The following IKBIP variants were observed in gnomAD, a reference collection of about 807,000 sequenced individuals.
The protein encoded by IKBIP is inhibitor of nuclear factor kappa-B kinase-interacting protein.
In IKBIP, 28 loss-of-function variants were observed where a neutral mutation model predicts 31.0. That is an observed-to-expected ratio of 0.90 (90% CI 0.67 to 1.24). IKBIP has a LOEUF of 1.24. IKBIP is among the 50% of genes most tolerant of loss of function. The pLI is 0.00. For missense variants in IKBIP, 453 were observed against 441.9 expected (o/e 1.03, Z -0.23); for synonymous variants, 164 against 160.3 (o/e 1.02, Z -0.17).
rs756840957 is a variant in IKBIP, at chr12:98,644,567, C to T, written c.135G>A (p.Thr45=). The change falls in exon 1 of 3, where the codon ACG becomes ACA. Residue 45 remains threonine (T), a synonymous_variant. Transcript: ENST00000299157. The stretch of plus-strand genomic sequence containing the variant: ...TCCCCAGCGACAGCAGGCTCAGGCA[C>T]GTTCGGGGGTCTGCCCAGCCCCCGC... ...SGGGGWADPR[T]CLSLLSLGTC... is the part of the protein sequence containing the mutation. 1.2e-6 allele frequency: 2 copies of T among 1,608,664 alleles called. No individual in the cohort carries two copies. Among genetic ancestry groups the T allele is most frequent in the South Asian group, 2.2e-5 (2 of 90,640 alleles).
chr12:98,617,249 T>A (rs2097606789), intron 2 of IKBIP, among the ~76,000 whole-genome samples: 1 of 152,228 alleles, frequency 6.6e-6, no homozygotes, highest in South Asian at 2.1e-4. Context: ...GGTTCTAAAA[T>A]TCTGATTCCA....
Position 98,625,866 on chromosome 12 carries a change from C to G in IKBIP, c.*64G>C. On this transcript the variant is annotated 3_prime_UTR_variant, in exon 3 of 3. Coordinates refer to ENST00000299157, the MANE Select transcript of IKBIP (RefSeq NM_153687.4). ...TAAGATGAGGCGTATCAAAGTAACT[C>G]AAAATCAATGGACTAATCAATTTAT... is the stretch of plus-strand genomic sequence containing the variant. 1 of 1,280,132 alleles carries G rather than the reference C, an allele frequency of 7.8e-7. No homozygotes were observed. Among genetic ancestry groups the G allele is most frequent in the Non-Finnish European group, 1.0e-6 (1 of 978,724 alleles). 79.3% of individuals were successfully genotyped at this position (1,280,132 alleles called of 1,614,324 possible). A position where few individuals can be genotyped will look rare whatever the true frequency, so the allele number is the denominator to read the frequency against.
Position 98,625,882 on chromosome 12 carries a change from A to G in IKBIP, c.*48T>C. Reference sequence around the variant, plus strand: ...AAAGTAACTCAAAATCAATGGACTAATCAATTTATGTATAATGATATGGTT... The same window carrying G: ...AAAGTAACTCAAAATCAATGGACTAGTCAATTTATGTATAATGATATGGTT... On this transcript the variant is annotated 3_prime_UTR_variant, in exon 3 of 3. Coordinates refer to ENST00000299157, the MANE Select transcript of IKBIP (RefSeq NM_153687.4). 1 of 1,322,494 alleles carries G rather than the reference A, an allele frequency of 7.6e-7. No homozygotes were observed. The highest frequency in any genetic ancestry group is 9.9e-7 in the Non-Finnish European group (1 of 1,009,438). The allele number at this position is 1,322,494 out of a possible 1,614,324, so 81.9% of individuals were successfully genotyped here.
At chr12:98,614,898 A>G (rs2153293041) in intron 2 of IKBIP, among the ~76,000 whole-genome samples, 1 of 152,354 alleles carries the variant, frequency 6.6e-6, no homozygotes, top group African/African-American at 2.4e-5. Flanking sequence ...TTTTTACATT[A>G]TAATATTTTC....
At position 98,644,676 on chromosome 12, in the gene IKBIP, T is replaced by G. The variant is rs2097636878; in HGVS notation, c.26A>C (p.Lys9Thr). MSEVKSRK[K>T]SGPKGAPAAE... ...AGCAGGGGCTCCCTTGGGCCCCGAC[T>G]TCTTCCGGCTCTTCACCTCAGACAT... The change falls in exon 1 of 3, where the codon AAG (lysine) becomes ACG (threonine). Residue 9 changes from lysine to threonine, a missense_variant. Coordinates refer to ENST00000299157, the MANE Select transcript of IKBIP (RefSeq NM_153687.4). 1 of 1,610,180 alleles carries G rather than the reference T, an allele frequency of 6.2e-7. No homozygotes were observed. Among genetic ancestry groups the G allele is most frequent in the Non-Finnish European group, 8.5e-7 (1 of 1,179,008 alleles).
At chr12:98,636,357 T>A (rs1048927327) in intron 1 of IKBIP, among the ~76,000 whole-genome samples, 18 of 152,240 alleles carry the variant, frequency 1.2e-4, no homozygotes, top group Admixed American at 6.5e-5. Context: ...CCATACTGAC[T>A]GACCATGTTT....
chr12:98,624,736 GTTA>G lies in IKBIP; in HGVS notation c.*1191_*1193del, dbSNP rs1486399892. 19 of 894,140 alleles carry G rather than the reference GTTA, an allele frequency of 2.1e-5. No individual in the cohort carries two copies. Among genetic ancestry groups the G allele is most frequent in the Non-Finnish European group, 2.4e-5 (18 of 746,912 alleles). The allele number at this position is 894,140 out of a possible 1,614,324, so 55.4% of individuals were successfully genotyped here. On this transcript the variant is annotated 3_prime_UTR_variant, in exon 3 of 3. Coordinates refer to ENST00000299157, the MANE Select transcript of IKBIP (RefSeq NM_153687.4). ...AAATGACGTATTTTTAACTATCATA[GTTA>G]TTATCATAATTAATTATCAGAGTTA... is the stretch of plus-strand genomic sequence containing the variant.
chr12:98,613,988 A>G (rs2097604761), exon 3 of IKBIP: 3 of 1,611,000 alleles, frequency 1.9e-6, no homozygotes, highest in Non-Finnish European at 2.5e-6. Flanking sequence ...GCTTGAAAGA[A>G]GATCACCTAT....
intron 2 of IKBIP, among the ~76,000 whole-genome samples, chr12:98,617,348 C>T (rs1353169460): frequency 6.6e-6 from 1 of 152,172 alleles, no homozygotes; most frequent in East Asian, 1.9e-4. Flanking sequence ...AAATTGTCAC[C>T]TTGATTTAAC....
rs899715950 is a variant in IKBIP at position 98,625,588 on chromosome 12, T to C, written c.*342A>G. ...ATTTAGTGAAGTGGTAAATACTCTT[T>C]ATTAGCCCCTGGAGACATCAATATA... On this transcript the variant is annotated 3_prime_UTR_variant, in exon 3 of 3. Transcript: ENST00000299157. 9.6e-5 allele frequency: 15 copies of C among 156,076 alleles called. 1 individual carries two copies. The highest frequency in any genetic ancestry group is 3.6e-4 in the African/African-American group (15 of 41,628). 9.7% of individuals were successfully genotyped at this position (156,076 alleles called of 1,614,324 possible). A position where few individuals can be genotyped will look rare whatever the true frequency, so the allele number is the denominator to read the frequency against.
chr12:98,623,293 T>C (rs2097611493), downstream of IKBIP, among the ~76,000 whole-genome samples: 1 of 150,890 alleles, frequency 6.6e-6, no homozygotes. Context: ...AGTACTGTTA[T>C]GCTTTTGAGA....
chr12:98,625,664 T>C lies in IKBIP; in HGVS notation c.*266A>G, dbSNP rs775312599. 16 of 201,332 alleles carry C rather than the reference T, an allele frequency of 7.9e-5. No homozygotes were observed. Among genetic ancestry groups the C allele is most frequent in the Admixed American group, 2.3e-4 (4 of 17,204 alleles). 12.5% of individuals were successfully genotyped at this position (201,332 alleles called of 1,614,324 possible). A position where few individuals can be genotyped will look rare whatever the true frequency, so the allele number is the denominator to read the frequency against. ...TTAATGATGATGTTCATTAATGCTT[T>C]AAAAAACATTAAAAATATTAAGTAT... On this transcript the variant is annotated 3_prime_UTR_variant, in exon 3 of 3. Transcript: ENST00000299157.
At chr12:98,637,979 T>G (rs2097627290) in intron 1 of IKBIP, among the ~76,000 whole-genome samples, 1 of 152,220 alleles carries the variant, frequency 6.6e-6, no homozygotes, top group Non-Finnish European at 1.5e-5. Flanking sequence ...AGGGGCATAT[T>G]CTAGTGAGAG....
intron 1 of IKBIP, among the ~76,000 whole-genome samples, chr12:98,642,401 C>G (rs1565845572): frequency 6.6e-6 from 1 of 151,876 alleles, no homozygotes; most frequent in African/African-American, 2.4e-5. Context: ...TCGCCTGCCT[C>G]GGCCTCCCAA....
chr12:98,619,534 T>C (rs527763326), downstream of IKBIP, among the ~76,000 whole-genome samples: 1 of 152,338 alleles, frequency 6.6e-6, no homozygotes, highest in South Asian at 2.1e-4. Context: ...TTGTATTAAG[T>C]TATTTTAAAA....
intron 2 of IKBIP, chr12:98,614,365 T>C (rs1388939346): frequency 2.4e-6 from 3 of 1,243,532 alleles, no homozygotes; most frequent in Non-Finnish European, 3.3e-6. Context: ...AATATCACAA[T>C]GATTAAATGT....
At position 98,624,451 on chromosome 12, in the gene IKBIP, G is replaced by A. The variant is rs2097612428; in HGVS notation, c.*1479C>T. 10 of 984,312 alleles carry A rather than the reference G, an allele frequency of 1.0e-5. No individual in the cohort carries two copies. Among genetic ancestry groups the A allele is most frequent in the Non-Finnish European group, 1.2e-5 (10 of 829,072 alleles). The allele number at this position is 984,312 out of a possible 1,614,324, so 61.0% of individuals were successfully genotyped here. Reference sequence around the variant, plus strand: ...TACCACAGGCCCTCCTAACTCCAGTGGAGAAGGAGTTTGGGGGTTCTCCAA... The same window carrying A: ...TACCACAGGCCCTCCTAACTCCAGTAGAGAAGGAGTTTGGGGGTTCTCCAA... On this transcript the variant is annotated 3_prime_UTR_variant, in exon 3 of 3. Transcript: ENST00000299157.
At chr12:98,620,443 T>G (rs956786036), downstream of IKBIP, among the ~76,000 whole-genome samples, 1 of 151,822 alleles carries the variant, frequency 6.6e-6, no homozygotes, top group Non-Finnish European at 1.5e-5. Flanking sequence ...CTCAGCTCAC[T>G]GCAACCCCTG....
Position 98,614,432 on chromosome 12 carries a change from AT to A in IKBIP, c.298-93del, listed in dbSNP as rs199643002. On this transcript the variant is annotated intron_variant, in intron 2 of 2. Transcript: ENST00000342502. ...AATTTTATATTTCTTTTTAATTTTA[AT>A]TTTTTTTTTGAGACAGAGGCTTGTT... 2.4e-3 allele frequency: 1,713 copies of A among 702,142 alleles called. 2 individuals are homozygous for A. Among genetic ancestry groups the A allele is most frequent in the South Asian group, 3.7e-3 (95 of 25,866 alleles). The allele number at this position is 702,142 out of a possible 1,614,324, so 43.5% of individuals were successfully genotyped here.
Sources: gnomAD v4.1 joint callset for allele counts (sites outside exome capture counted in the v4.1 genomes callset) on GRCh38, gnomAD v4.1.1 for gene constraint, MANE v1.5 for transcripts, NCBI Gene and HGNC (gene_info 2026-07-23, HGNC 2026-07-21) for gene names.